EYA1: variants seen among roughly 807,000 people sequenced by gnomAD.
The protein encoded by EYA1 is protein phosphatase EYA1.
Under a neutral mutation model 82.0 loss-of-function variants are expected in EYA1, and 16 were observed. The ratio of observed to expected loss-of-function variants is 0.20; its 90% CI spans 0.13 to 0.30. The LOEUF is 0.30. EYA1 is among the 10% of genes least tolerant of loss of function. The pLI is 1.00. For missense variants in EYA1, 633 were observed against 730.7 expected (o/e 0.87, Z 1.54); for synonymous variants, 261 against 264.4 (o/e 0.99, Z 0.12).
intron 2 of EYA1, among the ~76,000 whole-genome samples, chr8:71,477,728 T>C (rs180857493): frequency 3.9e-5 from 6 of 152,220 alleles, no homozygotes; most frequent in African/African-American, 1.4e-4. Flanking sequence ...TACTCCTAGG[T>C]ATACAGCCAA....
intron 12 of EYA1, among the ~76,000 whole-genome samples, chr8:71,242,370 G>C (rs970987203): frequency 6.6e-6 from 1 of 151,932 alleles, no homozygotes; most frequent in Non-Finnish European, 1.5e-5. Context: ...CTTTTGTAAG[G>C]CTACAAGCTT....
At chr8:71,255,580 T>C (rs995505279) in intron 11 of EYA1, among the ~76,000 whole-genome samples, 4 of 152,066 alleles carry the variant, frequency 2.6e-5, no homozygotes, top group Non-Finnish European at 5.9e-5. Flanking sequence ...CCTTACACCA[T>C]ATGCAAAAAT....
At chr8:71,286,627 A>G (rs1818398406) in intron 9 of EYA1, among the ~76,000 whole-genome samples, 1 of 152,084 alleles carries the variant, frequency 6.6e-6, no homozygotes, top group South Asian at 2.1e-4. Flanking sequence ...TCCTATGAAA[A>G]TTACAGGCCC....
At chr8:71,261,478 C>T (rs2128932144) in intron 11 of EYA1, among the ~76,000 whole-genome samples, 2 of 152,168 alleles carry the variant, frequency 1.3e-5, no homozygotes, top group Middle Eastern at 3.4e-3. Flanking sequence ...GGAAAAACAC[C>T]CCCAAAACCC....
chr8:71,201,085 C>T (rs954011176), intron 17 of EYA1, among the ~76,000 whole-genome samples: 1 of 148,016 alleles, frequency 6.8e-6, no homozygotes, highest in Non-Finnish European at 1.5e-5. Context: ...GATGCAGGGC[C>T]TAGTAAGCCC....
At chr8:71,503,316 T>C (rs534100359) in intron 2 of EYA1, among the ~76,000 whole-genome samples, 2 of 152,072 alleles carry the variant, frequency 1.3e-5, no homozygotes, top group African/African-American at 4.8e-5. Flanking sequence ...CTACTAAAAA[T>C]ACAAAAATTA....
chr8:71,332,763 C>T (rs955854685), intron 4 of EYA1, among the ~76,000 whole-genome samples: 2 of 152,066 alleles, frequency 1.3e-5, no homozygotes, highest in Admixed American at 6.6e-5. Flanking sequence ...AGACTCTGGC[C>T]CCTGCCTCCC....
chr8:71,225,244 CT>C (rs1470520941), intron 12 of EYA1: 1 of 456,184 alleles, frequency 2.2e-6, no homozygotes, highest in African/African-American at 2.0e-5. Flanking sequence ...AGCTCAAGCG[CT>C]GCTAGGCTTT....
intron 2 of EYA1, among the ~76,000 whole-genome samples, chr8:71,448,529 C>A (rs1807087943): frequency 6.6e-6 from 1 of 152,186 alleles, no homozygotes; most frequent in African/African-American, 2.4e-5. Context: ...GGGCTGGAAT[C>A]AGCTTTTCCC....
At chr8:71,355,046 T>A (rs1291468289) in intron 2 of EYA1, 137 bp from the exon 3 acceptor site, 17 of 872,848 alleles carry the variant, frequency 1.9e-5, no homozygotes, top group Admixed American at 1.9e-4. Flanking sequence ...TCAAAATAAT[T>A]CATCTCACAT....
At chr8:71,331,245 TAC>T (rs147776263) in intron 4 of EYA1, among the ~76,000 whole-genome samples, 29,189 of 135,848 alleles carry the variant, frequency 0.21, 3,146 homozygotes, top group Middle Eastern at 0.28. Context: ...AATAAATAAA[TAC>T]ACACACACAC....
At chr8:71,300,859 A>T (rs1329686534) in intron 7 of EYA1, among the ~76,000 whole-genome samples, 2 of 152,100 alleles carry the variant, frequency 1.3e-5, no homozygotes, top group Non-Finnish European at 2.9e-5. Context: ...AGTATTTTTG[A>T]TGATCTCATT....
intron 2 of EYA1, among the ~76,000 whole-genome samples, chr8:71,392,984 G>C (rs926627225): frequency 6.6e-6 from 1 of 152,074 alleles, no homozygotes; most frequent in Admixed American, 6.6e-5. Context: ...GTGCACAATT[G>C]AACAGTTTAG....
chr8:71,382,210 A>G (rs1357790138), intron 2 of EYA1, among the ~76,000 whole-genome samples: 1 of 152,192 alleles, frequency 6.6e-6, no homozygotes, highest in African/African-American at 2.4e-5. Flanking sequence ...AACCAGATGA[A>G]AGTAGATAAA....
chr8:71,428,568 A>G (rs1386247102), intron 2 of EYA1, among the ~76,000 whole-genome samples: 1 of 152,174 alleles, frequency 6.6e-6, no homozygotes, highest in Non-Finnish European at 1.5e-5. Flanking sequence ...TGAAATATAC[A>G]AACTTTCCTA....
intron 3 of EYA1, among the ~76,000 whole-genome samples, chr8:71,336,779 T>C (rs184348576): frequency 1.9e-4 from 29 of 152,272 alleles, no homozygotes; most frequent in African/African-American, 6.7e-4. Flanking sequence ...ACCCAGTTTT[T>C]TAAAAGGCTC....
intron 7 of EYA1, among the ~76,000 whole-genome samples, chr8:71,302,901 T>C (rs1454583373): frequency 7.0e-6 from 1 of 142,246 alleles, no homozygotes; most frequent in African/African-American, 2.5e-5. Flanking sequence ...AATGGCTCCC[T>C]GTTGCCCTCA....
rs144268837 is a variant in EYA1 at position 71,302,373 on chromosome 8, C to T, written c.557-2653G>A. Reference sequence around the variant, plus strand: ...TGGAAGCTATATTGGCACACACAGGCCACGAGGGTCTGACCAAGTAAATCA... The same window carrying T: ...TGGAAGCTATATTGGCACACACAGGTCACGAGGGTCTGACCAAGTAAATCA... On this transcript the variant is annotated intron_variant, in intron 7 of 17. Transcript: ENST00000340726. Among the ~76,000 whole-genome samples the T allele has an allele frequency of 4.7e-4, 71 of 152,276 alleles. No individual in the cohort carries two copies. The East Asian group carries it at 0.012, about 26-fold the overall frequency.
intron 2 of EYA1, among the ~76,000 whole-genome samples, chr8:71,406,525 T>C (rs889253587): frequency 3.9e-5 from 6 of 152,250 alleles, no homozygotes; most frequent in African/African-American, 7.2e-5. Context: ...GTGCACCGTG[T>C]GCGAGCCGAA....
Sources: gnomAD v4.1 joint callset for allele counts (sites outside exome capture counted in the v4.1 genomes callset) on GRCh38, gnomAD v4.1.1 for gene constraint, MANE v1.5 for transcripts, NCBI Gene and HGNC (gene_info 2026-07-23, HGNC 2026-07-21) for gene names.